Variants in CTTNBP2 observed in about 807,000 individuals in gnomAD.
CTTNBP2 encodes the protein cortactin-binding protein 2.
Under a neutral mutation model 156.9 loss-of-function variants are expected in CTTNBP2, and 108 were observed. The observed-to-expected ratio is 0.69, with a 90% CI of 0.59 to 0.81. The LOEUF (loss-of-function observed/expected upper bound fraction) is 0.81. Among genes scored for constraint, CTTNBP2 ranks in the 30% least tolerant of loss-of-function variants. CTTNBP2 has a pLI of 0.00. For missense variants in CTTNBP2, 1,924 were observed against 2,035.4 expected (o/e 0.95, Z 1.05); for synonymous variants, 767 against 751.8 (o/e 1.02, Z -0.33).
At chr7:117,840,621 A>G (rs939576148) in intron 2 of CTTNBP2, among the ~76,000 whole-genome samples, 2 of 152,258 alleles carry the variant, frequency 1.3e-5, no homozygotes, top group Admixed American at 6.5e-5. Context: ...TGTAAAGCAC[A>G]TACGCATTTG....
intron 2 of CTTNBP2, among the ~76,000 whole-genome samples, chr7:117,836,304 C>T (rs370805373): frequency 3.1e-4 from 47 of 152,306 alleles, no homozygotes; most frequent in African/African-American, 1.1e-3. Flanking sequence ...GTGGCTCACG[C>T]CTGTAATCCC....
rs1250637627 is a variant in CTTNBP2, at chr7:117,711,363, A to G, written c.*174T>C. 6.0e-6 allele frequency: 4 copies of G among 667,684 alleles called. No individual in the cohort carries two copies. Among genetic ancestry groups the G allele is most frequent in the Non-Finnish European group, 9.3e-6 (4 of 428,818 alleles). The allele number at this position is 667,684 out of a possible 1,614,324, so 41.4% of individuals were successfully genotyped here. The stretch of plus-strand genomic sequence containing the variant: ...TCCTACAGAATTAAAAAAAAAAGCA[A>G]CAAAATGTTGGTTATAAATACATTC... On this transcript the variant is annotated 3_prime_UTR_variant, in exon 23 of 23. Coordinates refer to ENST00000160373, the MANE Select transcript of CTTNBP2 (RefSeq NM_033427.3).
At chr7:117,749,942 T>C (rs1796537687) in intron 12 of CTTNBP2, among the ~76,000 whole-genome samples, 2 of 152,314 alleles carry the variant, frequency 1.3e-5, no homozygotes, top group South Asian at 4.1e-4. Flanking sequence ...CGCAATTTGC[T>C]AGCCAGGTGC....
At chr7:117,869,768 C>G (rs1804450698) in intron 1 of CTTNBP2, among the ~76,000 whole-genome samples, 1 of 150,342 alleles carries the variant, frequency 6.7e-6, no homozygotes, top group Admixed American at 6.6e-5. Context: ...CTGGGGCAAA[C>G]AGAAATCTAC....
intron 12 of CTTNBP2, among the ~76,000 whole-genome samples, chr7:117,747,757 A>G (rs1562970145): frequency 6.6e-6 from 1 of 152,182 alleles, no homozygotes; most frequent in Non-Finnish European, 1.5e-5. Context: ...TGGGCAACAG[A>G]GCGAAACCCT....
intron 22 of CTTNBP2, among the ~76,000 whole-genome samples, chr7:117,717,744 GAAAA>G (rs139772053): frequency 7.8e-6 from 1 of 127,776 alleles, no homozygotes; most frequent in African/African-American, 2.7e-5. Context: ...CATATAAAAT[GAAAA>G]AAAAAAAAAC....
In CTTNBP2 at chr7:117,718,077, C is replaced by G; in HGVS notation, c.4687G>C (p.Gly1563Arg). 1 of 1,613,394 alleles carries G rather than the reference C, an allele frequency of 6.2e-7. No homozygotes were observed. The highest frequency in any genetic ancestry group is 8.5e-7 in the Non-Finnish European group (1 of 1,179,512). ...RDDLRMFDSS[G>R]NNPVLSATIN... ...GTTGCTGAAAGTACAGGGTTGTTTCCAGAACTATCAAACATCCTTAAATCA... is the reference window on the plus strand; with the variant it reads ...GTTGCTGAAAGTACAGGGTTGTTTCGAGAACTATCAAACATCCTTAAATCA... The change falls in exon 22 of 23, where the codon GGA becomes CGA. Residue 1563 changes from glycine (G) to arginine (R), a missense_variant. By Grantham distance (125) the Gly-to-Arg change is moderately radical. Coordinates refer to ENST00000160373, the MANE Select transcript of CTTNBP2 (RefSeq NM_033427.3).
chr7:117,763,040 A>C (rs567808783), intron 9 of CTTNBP2, among the ~76,000 whole-genome samples: 22 of 152,328 alleles, frequency 1.4e-4, no homozygotes, highest in Non-Finnish European at 2.9e-4. Context: ...CCACCATTTT[A>C]AAAGCTGAAA....
intron 1 of CTTNBP2, chr7:117,872,140 G>A (rs552767508): frequency 2.5e-4 from 44 of 179,054 alleles, no homozygotes; most frequent in African/African-American, 1.0e-3. Context: ...CCTCCTCCCC[G>A]TTTCTCCTTC....
chr7:117,718,344 C>T lies in CTTNBP2; in HGVS notation c.4645-225G>A, dbSNP rs73215954. 8.2e-3 allele frequency among the ~76,000 whole-genome samples: 1,247 copies of T among 152,002 alleles called. 8 individuals are homozygous for T. Among genetic ancestry groups the T allele is most frequent in the Admixed American group, 0.016 (249 of 15,258 alleles). ...CTAAGGAAAAAGAATCCACTTAAAA[C>T]GTCAAAAGAAGACCAGAAGAACTCT... On this transcript the variant is annotated intron_variant, in intron 21 of 22. Coordinates refer to ENST00000160373, the MANE Select transcript of CTTNBP2 (RefSeq NM_033427.3).
At chr7:117,781,826 A>C (rs1417233402) in intron 6 of CTTNBP2, among the ~76,000 whole-genome samples, 1 of 152,202 alleles carries the variant, frequency 6.6e-6, no homozygotes, top group Non-Finnish European at 1.5e-5. Flanking sequence ...TGTGACTGCT[A>C]TATGTCCAAG....
chr7:117,738,989 C>A (rs942891593), intron 14 of CTTNBP2, among the ~76,000 whole-genome samples: 1 of 152,142 alleles, frequency 6.6e-6, no homozygotes, highest in Non-Finnish European at 1.5e-5. Context: ...TATCTTTCCA[C>A]TTCATCTTTA....
At position 117,725,234 on chromosome 7, in the gene CTTNBP2, C is replaced by T; in HGVS notation, c.4079G>A (p.Gly1360Asp). 1 of 1,614,120 alleles carries T rather than the reference C, an allele frequency of 6.2e-7. No individual in the cohort carries two copies. The highest frequency in any genetic ancestry group is 8.5e-7 in the Non-Finnish European group (1 of 1,179,998). The stretch of plus-strand genomic sequence containing the variant: ...TTCTTGAACTCTGGGTGCGATGACG[C>T]CATTCCACAGCTTAGACATCCACCT... ...TVKWMSKLWN[G>D]VIAPRVQEAI... The change falls in exon 18 of 23, where the codon GGC becomes GAC. Residue 1360 changes from glycine (G) to aspartate (D), a missense_variant. Transcript: ENST00000160373.
chr7:117,730,280 A>G (rs1187980266), intron 16 of CTTNBP2, among the ~76,000 whole-genome samples: 2 of 152,192 alleles, frequency 1.3e-5, no homozygotes, highest in East Asian at 1.9e-4. Flanking sequence ...GTGACCACAG[A>G]TAGAGAGGCC....
intron 4 of CTTNBP2, among the ~76,000 whole-genome samples, chr7:117,785,469 C>G (rs1381620490): frequency 6.6e-6 from 1 of 152,130 alleles, no homozygotes; most frequent in African/African-American, 2.4e-5. Context: ...GGTTCTAATA[C>G]CTGTAACATT....
intron 2 of CTTNBP2, among the ~76,000 whole-genome samples, chr7:117,814,800 T>G (rs1178154339): frequency 6.6e-6 from 1 of 152,210 alleles, no homozygotes; most frequent in African/African-American, 2.4e-5. Flanking sequence ...ATATGTACAT[T>G]AGATTCCTTT....
Position 117,760,446 on chromosome 7 carries a change from G to A in CTTNBP2, c.3161C>T (p.Ser1054Phe). 6.2e-7 allele frequency: 1 copy of A among 1,613,802 alleles called. No individual in the cohort carries two copies. The highest frequency in any genetic ancestry group is 8.5e-7 in the Non-Finnish European group (1 of 1,179,746). Residue 1054 changes from serine to phenylalanine, a missense_variant, in exon 10 of 23, where the codon TCC becomes TTC. Transcript: ENST00000160373. ...NIGLSARSIR[S>F]ITLGNVPWSV... Reference sequence around the variant, plus strand: ...AGGACTGCTGATACCTAGCGTGATGGATCGTATGCTTCTTGCACTGAGGCC... The same window carrying A: ...AGGACTGCTGATACCTAGCGTGATGAATCGTATGCTTCTTGCACTGAGGCC...
At chr7:117,735,192 A>G in intron 15 of CTTNBP2, 77 bp downstream of exon 15, 1 of 1,588,652 alleles carries the variant, frequency 6.3e-7, no homozygotes, top group East Asian at 2.2e-5. Flanking sequence ...ATGAAGTATA[A>G]CTGGTACTCT....
At chr7:117,781,960 A>G (rs773131106) in intron 6 of CTTNBP2, among the ~76,000 whole-genome samples, 83 of 152,216 alleles carry the variant, frequency 5.5e-4, no homozygotes, top group Non-Finnish European at 1.0e-3. Flanking sequence ...AGGGTTCTCA[A>G]TGACAAACTC....
Sources: gnomAD v4.1 joint callset for allele counts (sites outside exome capture counted in the v4.1 genomes callset) on GRCh38, gnomAD v4.1.1 for gene constraint, MANE v1.5 for transcripts, NCBI Gene and HGNC (gene_info 2026-07-23, HGNC 2026-07-21) for gene names.